The following ING5 variants were observed in gnomAD, a reference collection of about 807,000 sequenced individuals.
The protein encoded by ING5 is inhibitor of growth protein 5.
ING5 carries 17 observed loss-of-function variants against 37.4 expected under a neutral mutation model. The observed-to-expected ratio is 0.45, with a 90% CI of 0.31 to 0.68. The LOEUF (loss-of-function observed/expected upper bound fraction) is 0.68. ING5 is among the 30% of genes least tolerant of loss of function. The probability of loss-of-function intolerance (pLI) is 0.05; values close to 1 mark genes in which losing one functional copy is unlikely to be tolerated. For synonymous variants in ING5, 123 were observed against 116.6 expected, an observed-to-expected ratio of 1.06 and a Z score of -0.36; for missense variants, 233 against 311.9, an observed-to-expected ratio of 0.75 and a Z score of 1.91.
At chr2:241,720,863 C>T in intron 5 of ING5, 1 of 985,790 alleles carries the variant, frequency 1.0e-6, no homozygotes, top group Non-Finnish European at 1.2e-6. Flanking sequence ...ACTCCCTGGC[C>T]ACACGCCATG....
rs1169123848 is a variant in ING5, at chr2:241,702,045, C to T, written c.-21C>T. 8.7e-6 allele frequency: 12 copies of T among 1,381,504 alleles called. No individual in the cohort carries two copies. In the South Asian group the frequency reaches 9.0e-5, roughly 10 times the overall value. The allele number at this position is 1,381,504 out of a possible 1,614,324, so 85.6% of individuals were successfully genotyped here. On this transcript the variant is annotated 5_prime_UTR_variant, in exon 1 of 8. Coordinates refer to ENST00000313552, the MANE Select transcript of ING5 (RefSeq NM_032329.6). The stretch of plus-strand genomic sequence containing the variant: ...CGGCACCGCCCGCCCGCGCAGACCC[C>T]GAGCGCGGCCGCGGACGAAGATGGC...
At chr2:241,719,551 C>T (rs569741686) in intron 5 of ING5, 6 of 1,536,148 alleles carry the variant, frequency 3.9e-6, no homozygotes, top group Admixed American at 2.0e-5. Context: ...CCGACCGTGC[C>T]TTTTCTGCGT....
chr2:241,720,956 C>T (rs1358674849), intron 5 of ING5: 10 of 985,600 alleles, frequency 1.0e-5, no homozygotes, highest in African/African-American at 1.7e-5. Context: ...GGGCGGTCCC[C>T]TCAGGCCCCC....
At chr2:241,704,844 C>G in intron 2 of ING5, 120 bp downstream of exon 2, 2 of 784,256 alleles carry the variant, frequency 2.6e-6, no homozygotes, top group Non-Finnish European at 4.5e-6. Context: ...ATTGGCCTAG[C>G]CCTGGGCCGT....
chr2:241,701,833 C>A (rs906864918), upstream of ING5, among the ~76,000 whole-genome samples: 6 of 151,896 alleles, frequency 4.0e-5, no homozygotes, highest in Non-Finnish European at 7.4e-5. Flanking sequence ...CCTCGGCCTC[C>A]GATCCGCTGC....
chr2:241,700,978 C>CA (rs1553580689), upstream of ING5, among the ~76,000 whole-genome samples: 1 of 140,804 alleles, frequency 7.1e-6, no homozygotes, highest in Non-Finnish European at 1.5e-5. Flanking sequence ...TTAAAATTTT[C>CA]TTTTTTTTTT....
chr2:241,693,116 G>T (rs1013486691), intron 2 of ING5, among the ~76,000 whole-genome samples: 2 of 151,978 alleles, frequency 1.3e-5, no homozygotes, highest in Non-Finnish European at 2.9e-5. Flanking sequence ...CAAATTAGCT[G>T]GGTGTGGTGA....
chr2:241,720,284 G>A lies in ING5; in HGVS notation c.483-2655G>A, dbSNP rs928998009. On this transcript the variant is annotated intron_variant, in intron 5 of 7. Coordinates refer to ENST00000313552, the MANE Select transcript of ING5 (RefSeq NM_032329.6). The stretch of plus-strand genomic sequence containing the variant: ...ACCCATCAGCACAGTGGGTATTCAC[G>A]CCCCTCGTGGTCACGCTGTGGTGCC... The A allele has an allele frequency of 3.7e-5, 45 of 1,227,918 alleles. No individual in the cohort carries two copies. In the African/African-American group the frequency reaches 6.0e-4, roughly 17 times the overall value. The allele number at this position is 1,227,918 out of a possible 1,614,324, so 76.1% of individuals were successfully genotyped here.
chr2:241,705,192 A>G (rs1007253198), intron 2 of ING5, among the ~76,000 whole-genome samples: 4 of 151,760 alleles, frequency 2.6e-5, no homozygotes, highest in African/African-American at 9.7e-5. Context: ...CTCTTGCCTC[A>G]GCCTCCTGAG....
chr2:241,706,935 A>T (rs7601544), intron 2 of ING5, among the ~76,000 whole-genome samples: 2 of 146,498 alleles, frequency 1.4e-5, no homozygotes, highest in African/African-American at 5.1e-5. Flanking sequence ...AAATTTCATG[A>T]TAATGTGTTT....
At chr2:241,689,556 C>T (rs549449890) in intron 1 of ING5, among the ~76,000 whole-genome samples, 5 of 152,300 alleles carry the variant, frequency 3.3e-5, no homozygotes, top group African/African-American at 1.2e-4. Context: ...AGCATGAACA[C>T]AGCATGTGCA....
At chr2:241,706,030 T>G (rs563988606) in intron 2 of ING5, among the ~76,000 whole-genome samples, 10 of 151,960 alleles carry the variant, frequency 6.6e-5, no homozygotes, top group Non-Finnish European at 1.2e-4. Flanking sequence ...TTGTTGGCTT[T>G]GTTTTCTGCA....
At chr2:241,703,214 C>T (rs1274636039) in intron 1 of ING5, among the ~76,000 whole-genome samples, 1 of 152,138 alleles carries the variant, frequency 6.6e-6, no homozygotes, top group Non-Finnish European at 1.5e-5. Flanking sequence ...GGAGGCTGTG[C>T]CAGCCGGGAG....
At chr2:241,702,214 GGC>G in intron 1 of ING5, 112 bp downstream of exon 1, 1 of 355,088 alleles carries the variant, frequency 2.8e-6, no homozygotes, top group Non-Finnish European at 3.9e-6. Context: ...GAGGGCGGCG[GGC>G]GCGGCCGGGC....
intron 2 of ING5, among the ~76,000 whole-genome samples, chr2:241,692,853 GTTAAACTCTTTCTC>G (rs1242316842): frequency 1.3e-5 from 2 of 152,106 alleles, no homozygotes; most frequent in Non-Finnish European, 2.9e-5. Flanking sequence ...CCTGGGCCTT[GTTAAACTCTTTCTC>G]TGCTGCAAAC....
chr2:241,708,843 T>G (rs1246996057), intron 2 of ING5, among the ~76,000 whole-genome samples: 1 of 152,184 alleles, frequency 6.6e-6, no homozygotes, highest in Non-Finnish European at 1.5e-5. Flanking sequence ...AGTAGTGTGT[T>G]CTTTCTTGAC....
chr2:241,716,043 T>G (rs190527395), intron 5 of ING5, among the ~76,000 whole-genome samples: 11 of 152,042 alleles, frequency 7.2e-5, no homozygotes, highest in Non-Finnish European at 1.2e-4. Flanking sequence ...TCTGCCCACC[T>G]TGGCCTCCCC....
chr2:241,701,566 G>C (rs921756663), upstream of ING5, among the ~76,000 whole-genome samples: 2 of 152,038 alleles, frequency 1.3e-5, no homozygotes. Context: ...AGGCCCCGGG[G>C]GCTCGGGGTC....
chr2:241,687,522 TG>T (rs1312411074), exon 1 of ING5: 2 of 367,976 alleles, frequency 5.4e-6, no homozygotes, highest in African/African-American at 4.8e-5. Flanking sequence ...TCCGTGTGTG[TG>T]TTTTTGTTGT....
Sources: allele counts gnomAD v4.1 joint callset (sites outside exome capture counted in the v4.1 genomes callset), GRCh38; gene constraint gnomAD v4.1.1; transcripts MANE v1.5; gene names NCBI Gene and HGNC (gene_info 2026-07-23, HGNC 2026-07-21).